RNF6: variants seen among roughly 807,000 people sequenced by gnomAD.
RNF6 encodes the protein ring finger protein 6.
A neutral mutation model predicts 50.1 loss-of-function variants in RNF6; 21 were observed. The ratio of observed to expected loss-of-function variants is 0.42; its 90% CI spans 0.30 to 0.60. The LOEUF is 0.60. Among genes scored for constraint, RNF6 ranks in the 20% least tolerant of loss-of-function variants. RNF6 has a pLI of 0.20. For missense variants in RNF6, 698 were observed against 838.2 expected, an observed-to-expected ratio of 0.83 and a Z score of 2.07; for synonymous variants, 255 against 291.8, an observed-to-expected ratio of 0.87 and a Z score of 1.29.
At position 26,159,187 on chromosome 13, in the gene RNF6, A is replaced by C. The variant is rs1872083894; in HGVS notation, n.769-26736T>G. 2.0e-5 allele frequency among the ~76,000 whole-genome samples: 3 copies of C among 152,184 alleles called. No individual in the cohort carries two copies. In the South Asian group the frequency reaches 6.2e-4, roughly 31 times the overall value. ...ACATTGTGAGTTTTAGATACATAAA[A>C]TTCAGGGACATTATATTGCCTTTGA... On this transcript the variant is annotated intron_variant and non_coding_transcript_variant, in intron 5 of 5. Coordinates refer to the RNF6 transcript ENST00000468480.
chr13:26,136,342 G>A (rs1164154219), intron 5 of RNF6, among the ~76,000 whole-genome samples: 2 of 152,062 alleles, frequency 1.3e-5, no homozygotes, highest in Admixed American at 1.3e-4. Flanking sequence ...TTCTAAAATG[G>A]GTCCATTATA....
intron 5 of RNF6, among the ~76,000 whole-genome samples, chr13:26,160,253 G>A (rs1872130858): frequency 1.3e-5 from 2 of 152,130 alleles, no homozygotes; most frequent in South Asian, 4.1e-4. Flanking sequence ...TTGATTTTGA[G>A]GGACTTCCCA....
Position 26,214,588 on chromosome 13 carries a change from C to T in RNF6, c.1294G>A (p.Val432Ile). 1 of 1,614,194 alleles carries T rather than the reference C, an allele frequency of 6.2e-7. No homozygotes were observed. Among genetic ancestry groups the T allele is most frequent in the Non-Finnish European group, 8.5e-7 (1 of 1,180,042 alleles). Residue 432 changes from valine (V) to isoleucine (I), a missense_variant, in exon 5 of 5, where the codon GTC becomes ATC. Val to Ile is a conservative substitution (Grantham distance 29). Coordinates refer to ENST00000381588, the MANE Select transcript of RNF6 (RefSeq NM_005977.4). Reference sequence around the variant, plus strand: ...CCCCCACTATTGCTTTCAATAGTGACTGTATTTTCTGCTAGCCCTACTCTG... The same window carrying T: ...CCCCCACTATTGCTTTCAATAGTGATTGTATTTTCTGCTAGCCCTACTCTG... ...RSRVGLAENT[V>I]TIESNSGGFR... is the part of the protein sequence containing the mutation.
chr13:26,146,500 C>A (rs1316055081), intron 5 of RNF6, among the ~76,000 whole-genome samples: 1 of 152,192 alleles, frequency 6.6e-6, no homozygotes, highest in Non-Finnish European at 1.5e-5. Flanking sequence ...GCCAGAGCTA[C>A]TCACAATTTT....
chr13:26,189,085 T>C (rs1160748330), intron 5 of RNF6, among the ~76,000 whole-genome samples: 2 of 151,862 alleles, frequency 1.3e-5, no homozygotes, highest in Non-Finnish European at 2.9e-5. Flanking sequence ...TCCCAGCACT[T>C]TGGGAGGCCG....
chr13:26,138,633 GT>G (rs1482444613), intron 5 of RNF6, among the ~76,000 whole-genome samples: 1 of 152,078 alleles, frequency 6.6e-6, no homozygotes, highest in African/African-American at 2.4e-5. Flanking sequence ...TTTGGAGCAG[GT>G]TTTATATACT....
At chr13:26,199,134 G>A (rs1237357877) in intron 5 of RNF6, among the ~76,000 whole-genome samples, 8 of 151,202 alleles carry the variant, frequency 5.3e-5, no homozygotes, top group Non-Finnish European at 1.0e-4. Context: ...AGTTTTAAAT[G>A]TATATGAAAA....
chr13:26,213,116 A>T lies in RNF6; in HGVS notation c.*708T>A, dbSNP rs1415931097. The T allele has an allele frequency of 6.9e-6, 1 of 145,876 alleles. No individual in the cohort carries two copies. Among genetic ancestry groups the T allele is most frequent in the Non-Finnish European group, 1.5e-5 (1 of 67,976 alleles). 9.0% of individuals were successfully genotyped at this position (145,876 alleles called of 1,614,324 possible). A position where few individuals can be genotyped will look rare whatever the true frequency, so the allele number is the denominator to read the frequency against. ...AGTATTATATATTGCTTGCTGTCTA[A>T]TAAGTTAGATTGTCAGAGACGCTTC... On this transcript the variant is annotated 3_prime_UTR_variant, in exon 5 of 5. Coordinates refer to ENST00000381588, the MANE Select transcript of RNF6 (RefSeq NM_005977.4).
chr13:26,186,675 A>T (rs9553760), intron 5 of RNF6, among the ~76,000 whole-genome samples: 24 of 152,074 alleles, frequency 1.6e-4, no homozygotes, highest in Non-Finnish European at 2.4e-4. Flanking sequence ...ACCTTCGGCC[A>T]CAGGTAGCGC....
chr13:26,141,350 C>A (rs947743014), intron 5 of RNF6, among the ~76,000 whole-genome samples: 1 of 150,946 alleles, frequency 6.6e-6, no homozygotes, highest in East Asian at 2.0e-4. Flanking sequence ...ATTGCTTGAA[C>A]CTGGGAGGTG....
Position 26,145,368 on chromosome 13 carries a change from G to T in RNF6, n.769-12917C>A, listed in dbSNP as rs568061908. On this transcript the variant is annotated intron_variant and non_coding_transcript_variant, in intron 5 of 5. Coordinates refer to the RNF6 transcript ENST00000468480. ...TTGATGGGTGATCTGGTTTGGCTTT[G>T]TGTCCCCACCCAAATCTCATGTTGA... 2.5e-4 allele frequency among the ~76,000 whole-genome samples: 37 copies of T among 145,966 alleles called. 1 individual carries two copies. Among genetic ancestry groups the T allele is most frequent in the African/African-American group, 9.2e-4 (36 of 39,034 alleles).
At chr13:26,188,869 C>T (rs1873685919) in intron 5 of RNF6, among the ~76,000 whole-genome samples, 1 of 151,838 alleles carries the variant, frequency 6.6e-6, no homozygotes, top group Non-Finnish European at 1.5e-5. Context: ...ACCTCGTGAT[C>T]TGCCCACCTT....
At chr13:26,141,091 T>C (rs566161437) in intron 5 of RNF6, among the ~76,000 whole-genome samples, 3 of 152,302 alleles carry the variant, frequency 2.0e-5, no homozygotes, top group South Asian at 4.1e-4. Flanking sequence ...TCTATCAAAA[T>C]GCCAACATCA....
At chr13:26,184,002 A>ATATT (rs1455242239) in intron 5 of RNF6, among the ~76,000 whole-genome samples, 22 of 10,216 alleles carry the variant, frequency 2.2e-3, no homozygotes, top group African/African-American at 4.3e-3. Context: ...ATATATATAT[A>ATATT]TATATATATA....
chr13:26,215,687 T>C, intron 4 of RNF6, 95 bp from the exon 5 acceptor site: 1 of 1,075,384 alleles, frequency 9.3e-7, no homozygotes, highest in Non-Finnish European at 1.3e-6. Flanking sequence ...TTGTAATAAA[T>C]TAAAGAACAT....
In RNF6 at chr13:26,219,485, C is replaced by T; in HGVS notation, c.165G>A (p.Met55Ile). ...NELNDEDYRL[M>I]RDHNLLGTPG... ...GGGTGCCTAAAAGATTATGGTCTCT[C>T]ATAAGCCGATAATCTTCATCATTGA... Residue 55 changes from methionine to isoleucine, a missense_variant, in exon 3 of 5, where the codon ATG becomes ATA. Coordinates refer to ENST00000381588, the MANE Select transcript of RNF6 (RefSeq NM_005977.4). 1 of 1,613,626 alleles carries T rather than the reference C, an allele frequency of 6.2e-7. No individual in the cohort carries two copies. The highest frequency in any genetic ancestry group is 8.5e-7 in the Non-Finnish European group (1 of 1,179,734).
At chr13:26,182,786 CAG>C (rs1379293089) in intron 5 of RNF6, among the ~76,000 whole-genome samples, 2 of 152,132 alleles carry the variant, frequency 1.3e-5, no homozygotes, top group East Asian at 3.8e-4. Flanking sequence ...ATTTGGGTAA[CAG>C]AGTGAGACCC....
At position 26,135,537 on chromosome 13, in the gene RNF6, A is replaced by G. The variant is rs371804150; in HGVS notation, n.769-3086T>C. On this transcript the variant is annotated intron_variant and non_coding_transcript_variant, in intron 5 of 5. Coordinates refer to the RNF6 transcript ENST00000468480. ...CAGTGTCTTTATCTGCCATATCTTT[A>G]GATCTGTCTCTCTATCCAGATTAGC... is the stretch of plus-strand genomic sequence containing the variant. 13 of 152,342 alleles carry G rather than the reference A, an allele frequency of 8.5e-5. No individual in the cohort carries two copies. In the East Asian group the frequency reaches 2.5e-3, roughly 29 times the overall value. 9.4% of individuals were successfully genotyped at this position (152,342 alleles called of 1,614,324 possible).
intron 5 of RNF6, among the ~76,000 whole-genome samples, chr13:26,162,445 G>A (rs1035384004): frequency 6.6e-6 from 1 of 152,210 alleles, no homozygotes; most frequent in Non-Finnish European, 1.5e-5. Flanking sequence ...GTGCTGACCT[G>A]TCTGTAAGAC....
Sources: allele counts gnomAD v4.1 joint callset (sites outside exome capture counted in the v4.1 genomes callset), GRCh38; gene constraint gnomAD v4.1.1; transcripts MANE v1.5; gene names NCBI Gene and HGNC (gene_info 2026-07-23, HGNC 2026-07-21).